The following RAB38 variants were observed in gnomAD, a reference collection of about 807,000 sequenced individuals.
RAB38 encodes ras-related protein Rab-38.
In RAB38, 15 loss-of-function variants were observed where a neutral mutation model predicts 18.4. The ratio of observed to expected loss-of-function variants is 0.82; its 90% CI spans 0.55 to 1.26. The LOEUF (loss-of-function observed/expected upper bound fraction) is 1.26, where lower values mean the gene tolerates loss of function less well. Among genes scored for constraint, RAB38 ranks in the 50% most tolerant of loss-of-function variants. RAB38 has a pLI of 0.00. For missense variants in RAB38, 294 were observed against 267.4 expected (o/e 1.10, Z -0.69); for synonymous variants, 101 against 104.4 (o/e 0.97, Z 0.20).
At chr11:87,904,335 T>G in the RAB38 span, among the ~76,000 whole-genome samples, 2 of 151,792 alleles carry the variant, frequency 1.3e-5, no homozygotes, top group Non-Finnish European at 2.9e-5. Context: ...AGTGAGAGCA[T>G]GTGGTATTTG....
the RAB38 span, among the ~76,000 whole-genome samples, chr11:88,051,396 A>C: frequency 6.6e-5 from 10 of 151,474 alleles, no homozygotes; most frequent in African/African-American, 2.4e-4. Flanking sequence ...GAGTGGTGAC[A>C]TACATCACCA....
intron 2 of RAB38, among the ~76,000 whole-genome samples, chr11:88,116,562 G>C (rs1013363544): frequency 6.6e-6 from 1 of 152,208 alleles, no homozygotes; most frequent in Non-Finnish European, 1.5e-5. Flanking sequence ...CTTACACTGG[G>C]TCTTTCTGAC....
At chr11:87,951,807 A>C in the RAB38 span, among the ~76,000 whole-genome samples, 1 of 151,972 alleles carries the variant, frequency 6.6e-6, no homozygotes, top group Non-Finnish European at 1.5e-5. Flanking sequence ...GTCTGCCCCT[A>C]CTGGGGGGGT....
At chr11:88,102,601 C>T in the RAB38 span, among the ~76,000 whole-genome samples, 10 of 151,952 alleles carry the variant, frequency 6.6e-5, no homozygotes, top group African/African-American at 1.7e-4. Flanking sequence ...TATATATTCA[C>T]GTAAGAAGGA....
the RAB38 span, among the ~76,000 whole-genome samples, chr11:88,048,507 C>T: frequency 6.6e-6 from 1 of 152,164 alleles, no homozygotes; most frequent in Non-Finnish European, 1.5e-5. Context: ...AAGGACTGGA[C>T]AGTACTTTTA....
At chr11:88,148,560 G>A (rs1267118152) in intron 2 of RAB38, among the ~76,000 whole-genome samples, 1 of 152,086 alleles carries the variant, frequency 6.6e-6, no homozygotes, top group Non-Finnish European at 1.5e-5. Context: ...CTTTCCAGCA[G>A]AAAACCCATT....
the RAB38 span, among the ~76,000 whole-genome samples, chr11:87,803,724 C>T: frequency 6.6e-6 from 1 of 152,182 alleles, no homozygotes; most frequent in Non-Finnish European, 1.5e-5. Context: ...ATTCACAGAC[C>T]TGTGAAACTA....
In RAB38 at chr11:88,113,717, C is replaced by T. The variant is rs16912884; in HGVS notation, c.*271G>A. ...GATTAAAAGAAGCAAATAACAGTGCCGACTGTGGCCCTGCAGGATTTTGGT... is the reference window on the plus strand; with the variant it reads ...GATTAAAAGAAGCAAATAACAGTGCTGACTGTGGCCCTGCAGGATTTTGGT... On this transcript the variant is annotated 3_prime_UTR_variant, in exon 3 of 3. Coordinates refer to ENST00000243662, the MANE Select transcript of RAB38 (RefSeq NM_022337.3). 23,899 of 368,414 alleles carry T rather than the reference C, an allele frequency of 0.065. 1,647 individuals carry two copies. The highest frequency in any genetic ancestry group is 0.23 in the African/African-American group (11,264 of 49,678). The allele number at this position is 368,414 out of a possible 1,614,324, so 22.8% of individuals were successfully genotyped here.
the RAB38 span, among the ~76,000 whole-genome samples, chr11:88,056,396 G>A: frequency 1.3e-5 from 2 of 152,164 alleles, no homozygotes; most frequent in Non-Finnish European, 2.9e-5. Context: ...TATTTCTTGT[G>A]TGGTGTGGAG....
At chr11:87,810,010 CTG>C in the RAB38 span, among the ~76,000 whole-genome samples, 1 of 152,050 alleles carries the variant, frequency 6.6e-6, no homozygotes, top group South Asian at 2.1e-4. Flanking sequence ...ATTTCATTAT[CTG>C]TCAGTTCTCA....
chr11:88,010,971 T>C, the RAB38 span, among the ~76,000 whole-genome samples: 18 of 152,278 alleles, frequency 1.2e-4, no homozygotes, highest in South Asian at 3.7e-3. Flanking sequence ...AATCAGCTGT[T>C]AACCCCTTCT....
chr11:88,012,047 A>G, the RAB38 span, among the ~76,000 whole-genome samples: 1 of 152,202 alleles, frequency 6.6e-6, no homozygotes, highest in South Asian at 2.1e-4. Flanking sequence ...GAGATGGGAC[A>G]GGAGATTCCC....
the RAB38 span, among the ~76,000 whole-genome samples, chr11:88,005,195 T>C: frequency 6.6e-6 from 1 of 151,252 alleles, no homozygotes; most frequent in Non-Finnish European, 1.5e-5. Context: ...TCTTGGAAAA[T>C]AGGAATAAAC....
chr11:87,811,990 G>C, the RAB38 span, among the ~76,000 whole-genome samples: 1 of 152,114 alleles, frequency 6.6e-6, no homozygotes, highest in East Asian at 1.9e-4. Flanking sequence ...AATACATTTT[G>C]TATCCTTGTG....
the RAB38 span, among the ~76,000 whole-genome samples, chr11:88,103,971 G>A: frequency 6.6e-6 from 1 of 152,202 alleles, no homozygotes; most frequent in Non-Finnish European, 1.5e-5. Flanking sequence ...AGACCTAGCG[G>A]TCCACAACCC....
the RAB38 span, among the ~76,000 whole-genome samples, chr11:87,976,210 T>C: frequency 8.4e-4 from 123 of 147,062 alleles, no homozygotes; most frequent in African/African-American, 3.0e-3. Flanking sequence ...TCTATGTATA[T>C]TTTTATGTAT....
At chr11:88,051,224 C>T in the RAB38 span, among the ~76,000 whole-genome samples, 7 of 151,972 alleles carry the variant, frequency 4.6e-5, no homozygotes, top group African/African-American at 1.7e-4. Flanking sequence ...ATCTTTCCTG[C>T]TGGAGGGCCT....
the RAB38 span, among the ~76,000 whole-genome samples, chr11:87,887,337 C>T: frequency 1.3e-5 from 2 of 152,100 alleles, no homozygotes; most frequent in South Asian, 4.1e-4. Flanking sequence ...TTGCCCTCTT[C>T]TTCCTTCAGT....
the RAB38 span, among the ~76,000 whole-genome samples, chr11:87,895,154 G>A: frequency 2.4e-4 from 36 of 151,668 alleles, no homozygotes; most frequent in African/African-American, 7.5e-4. Context: ...TTGCTCTAGC[G>A]GGGCCTCTGG....
Sources: allele counts gnomAD v4.1 joint callset (sites outside exome capture counted in the v4.1 genomes callset), GRCh38; gene constraint gnomAD v4.1.1; transcripts MANE v1.5; gene names NCBI Gene and HGNC (gene_info 2026-07-23, HGNC 2026-07-21).